MAP4K2: variants seen among roughly 807,000 people sequenced by gnomAD.
MAP4K2 encodes mitogen-activated protein kinase kinase kinase kinase 2.
Under a neutral mutation model 125.3 loss-of-function variants are expected in MAP4K2, and 85 were observed. The observed-to-expected ratio is 0.68, with a 90% CI of 0.57 to 0.81. The LOEUF is 0.81. MAP4K2 is among the 40% of genes least tolerant of loss of function. MAP4K2 has a pLI of 0.00. For missense variants in MAP4K2, 923 were observed against 1,056.4 expected (o/e 0.87, Z 1.75); for synonymous variants, 479 against 445.1 (o/e 1.08, Z -0.96).
rs375745391 is a variant in MAP4K2 at position 64,797,650 on chromosome 11, G to A, written c.1112C>T (p.Ser371Leu). The A allele has an allele frequency of 2.2e-5, 35 of 1,574,046 alleles. No homozygotes were observed. Among genetic ancestry groups the A allele is most frequent in the Non-Finnish European group, 2.7e-5 (31 of 1,159,266 alleles). ...KEELSGSLLQ[S>L]VQEALEERSL... Reference sequence around the variant, plus strand: ...CCTTTCCTCCAGGGCCTCCTGGACCGACTGCAGCAGGCTCCTGGGCAGTGG... The same window carrying A: ...CCTTTCCTCCAGGGCCTCCTGGACCAACTGCAGCAGGCTCCTGGGCAGTGG... Residue 371 changes from serine to leucine, a missense_variant, in exon 16 of 32, where the codon TCG (serine) becomes TTG (leucine). Around this residue, in one of 2 missense-constraint regions of MAP4K2, gnomAD observed 833 missense variants for 911.4 expected, o/e 0.91. Transcript: ENST00000294066.
In MAP4K2 at chr11:64,788,085, GAGTC is replaced by G. The variant is rs1940273149; in HGVS notation, c.*1448_*1451del. 6.6e-6 allele frequency: 1 copy of G among 152,278 alleles called. No homozygotes were observed. Among genetic ancestry groups the G allele is most frequent in the African/African-American group, 2.4e-5 (1 of 41,448 alleles). 9.4% of individuals were successfully genotyped at this position (152,278 alleles called of 1,614,324 possible). A position where few individuals can be genotyped will look rare whatever the true frequency, so the allele number is the denominator to read the frequency against. On this transcript the variant is annotated 3_prime_UTR_variant, in exon 32 of 32. Transcript: ENST00000294066. Reference sequence around the variant, plus strand: ...AAGAAACCCTCCCAGTCACTGGACAGAGTCAGAACAGTTGAAACTCTGCTGGAGG... The same window carrying G: ...AAGAAACCCTCCCAGTCACTGGACAGAGAACAGTTGAAACTCTGCTGGAGG...
At chr11:64,791,524 G>A (rs957325631) in intron 27 of MAP4K2, among the ~76,000 whole-genome samples, 1 of 152,092 alleles carries the variant, frequency 6.6e-6, no homozygotes, top group Admixed American at 6.6e-5. Context: ...GACTACACAC[G>A]TGCATCAACA....
Position 64,798,328 on chromosome 11 carries a change from C to A in MAP4K2, c.1097+466G>T, listed in dbSNP as rs1205322433. On this transcript the variant is annotated intron_variant, in intron 15 of 31. Coordinates refer to ENST00000294066, the MANE Select transcript of MAP4K2 (RefSeq NM_004579.5). ...TTACAGGCGCCTGCCACCACACCGG[C>A]TAATTTTTTCTATTTTTACTAGAGA... 2.0e-5 allele frequency among the ~76,000 whole-genome samples: 3 copies of A among 152,060 alleles called. No individual in the cohort carries two copies. The East Asian group carries it at 5.8e-4, about 29-fold the overall frequency.
Position 64,802,093 on chromosome 11 carries a change from A to C in MAP4K2, c.339T>G (p.Ile113Met). The part of the protein sequence containing the change: ...HATGPLEERQ[I>M]AYVCREALKG... Reference sequence around the variant, plus strand: ...TCAGTGCCTCTCGGCAGACGTAGGCAATCTGCCGCTCCTCCAGGGGCCCAG... The same window carrying C: ...TCAGTGCCTCTCGGCAGACGTAGGCCATCTGCCGCTCCTCCAGGGGCCCAG... Residue 113 changes from isoleucine (I) to methionine (M), a missense_variant, in exon 5 of 32, where the codon ATT becomes ATG. Coordinates refer to ENST00000294066, the MANE Select transcript of MAP4K2 (RefSeq NM_004579.5). 6.2e-7 allele frequency: 1 copy of C among 1,612,942 alleles called. No individual in the cohort carries two copies.
intron 22 of MAP4K2, 24 bp from the exon 23 acceptor site, chr11:64,796,577 G>A: frequency 6.2e-7 from 1 of 1,613,880 alleles, no homozygotes; most frequent in Non-Finnish European, 8.5e-7. Context: ...AGGGACAGAT[G>A]GTCAGCACCC....
At position 64,789,421 on chromosome 11, in the gene MAP4K2, G is replaced by T. The variant is rs1336201402; in HGVS notation, c.*116C>A. On this transcript the variant is annotated 3_prime_UTR_variant, in exon 32 of 32. Transcript: ENST00000294066. Reference sequence around the variant, plus strand: ...TTCTCAGGATTACTTCTGACCTTCAGCCCCAGCAGGGCCAGGGCCTGGGCT... The same window carrying T: ...TTCTCAGGATTACTTCTGACCTTCATCCCCAGCAGGGCCAGGGCCTGGGCT... 2 of 899,898 alleles carry T rather than the reference G, an allele frequency of 2.2e-6. No homozygotes were observed. Among genetic ancestry groups the T allele is most frequent in the East Asian group, 5.3e-5 (2 of 37,846 alleles). 55.7% of individuals were successfully genotyped at this position (899,898 alleles called of 1,614,324 possible). A position where few individuals can be genotyped will look rare whatever the true frequency, so the allele number is the denominator to read the frequency against.
At position 64,787,731 on chromosome 11, in the gene MAP4K2, T is replaced by A. The variant is rs1248290052; in HGVS notation, c.*1806A>T. On this transcript the variant is annotated 3_prime_UTR_variant, in exon 32 of 32. Coordinates refer to ENST00000294066, the MANE Select transcript of MAP4K2 (RefSeq NM_004579.5). ...CCAAACCCCGTTTCCAGACTGAATC[T>A]GAGGTCCGGGAAGATCCGCCACAAG... is the stretch of plus-strand genomic sequence containing the variant. 2 of 152,216 alleles carry A rather than the reference T, an allele frequency of 1.3e-5. No individual in the cohort carries two copies. Among genetic ancestry groups the A allele is most frequent in the Non-Finnish European group, 2.9e-5 (2 of 68,036 alleles). 9.4% of individuals were successfully genotyped at this position (152,216 alleles called of 1,614,324 possible).
At chr11:64,799,347 A>C (rs1475231064) in intron 14 of MAP4K2, 74 bp downstream of exon 14, 1 of 1,560,128 alleles carries the variant, frequency 6.4e-7, no homozygotes, top group Admixed American at 1.9e-5. Context: ...CCTTGATTTG[A>C]GCTGCTCGGC....
At chr11:64,802,848 C>G in intron 2 of MAP4K2, 37 bp downstream of exon 2, 1 of 1,586,540 alleles carries the variant, frequency 6.3e-7, no homozygotes. Context: ...GGCGCTCTGC[C>G]CTTCCTCTGG....
At position 64,796,843 on chromosome 11, in the gene MAP4K2, G is replaced by A. The variant is rs139891267; in HGVS notation, c.1458C>T (p.His486=). ...KVFNGCPLRI[H]AAVTWIHPVT... ...CAGGGTGAATCCAGGTGACAGCAGC[G>A]TGGATCCGCAGGGGGCAGCCATTGA... Residue 486 remains histidine, a synonymous_variant, in exon 21 of 32, where the codon CAC becomes CAT. Transcript: ENST00000294066. 863 of 1,613,794 alleles carry A rather than the reference G, an allele frequency of 5.3e-4. 5 individuals are homozygous for A. The African/African-American group carries it at 9.7e-3, about 18-fold the overall frequency.
intron 10 of MAP4K2, 130 bp from the exon 11 acceptor site, chr11:64,800,522 G>T: frequency 8.6e-7 from 1 of 1,158,652 alleles, no homozygotes; most frequent in East Asian, 2.5e-5. Context: ...CCGAGGCCAA[G>T]GGCCACTGGC....
At position 64,802,918 on chromosome 11, in the gene MAP4K2, G is replaced by T. The variant is rs773671379; in HGVS notation, c.121C>A (p.Leu41Met). 1.3e-6 allele frequency: 2 copies of T among 1,596,048 alleles called. No individual in the cohort carries two copies. Among genetic ancestry groups the T allele is most frequent in the Non-Finnish European group, 1.7e-6 (2 of 1,172,034 alleles). ...AGCTTGACTATCTTCACGGCGGCCAGTTCGGACGTGACCGTGTCGCGGGCC... is the reference window on the plus strand; with the variant it reads ...AGCTTGACTATCTTCACGGCGGCCATTTCGGACGTGACCGTGTCGCGGGCC... ...YKARDTVTSE[L>M]AAVKIVKLDP... Residue 41 changes from leucine (L) to methionine (M), a missense_variant, in exon 2 of 32, where the codon CTG becomes ATG. Transcript: ENST00000294066.
In MAP4K2 at chr11:64,796,997, T is replaced by C. The variant is rs1170847063; in HGVS notation, c.1392A>G (p.Pro464=). 6.2e-7 allele frequency: 1 copy of C among 1,613,762 alleles called. No homozygotes were observed. Among genetic ancestry groups the C allele is most frequent in the Admixed American group, 1.7e-5 (1 of 60,000 alleles). The change falls in exon 20 of 32, where the codon CCA becomes CCG. Residue 464 remains proline, a synonymous_variant. Coordinates refer to ENST00000294066, the MANE Select transcript of MAP4K2 (RefSeq NM_004579.5). ...AAACACTTACATGCACCTTGGGAGT[T>C]GGGGGGAGCCCGTGGCAGGATGACC... ...PERSSCHGLP[P]TPKVHMGACF... is the part of the protein sequence containing the mutation.
chr11:64,802,311 G>C, intron 4 of MAP4K2, 108 bp downstream of exon 4: 1 of 1,214,702 alleles, frequency 8.2e-7, no homozygotes, highest in Non-Finnish European at 1.2e-6. Flanking sequence ...CAGCCAGGCA[G>C]GAGTGGAGAG....
chr11:64,793,086 C>T (rs915444767), intron 24 of MAP4K2, among the ~76,000 whole-genome samples: 2 of 152,040 alleles, frequency 1.3e-5, no homozygotes, highest in African/African-American at 2.4e-5. Flanking sequence ...CGTGGTGGCG[C>T]GTGCCTGTAA....
chr11:64,790,303 G>C lies in MAP4K2; in HGVS notation c.2162-29C>G, dbSNP rs1940400983. On this transcript the variant is annotated intron_variant, in intron 28 of 31. Coordinates refer to ENST00000294066, the MANE Select transcript of MAP4K2 (RefSeq NM_004579.5). ...CACAGGGAAGGAATTGGTGAGTGGG[G>C]ACGGGGAGGCTCCCTTCTGGGAAGG... The C allele has an allele frequency of 4.3e-6, 7 of 1,613,526 alleles. No homozygotes were observed. In the East Asian group the frequency reaches 1.6e-4, roughly 36 times the overall value.
intron 14 of MAP4K2, among the ~76,000 whole-genome samples, 156 bp from the exon 15 acceptor site, chr11:64,798,993 G>A (rs551207177): frequency 6.6e-6 from 1 of 152,324 alleles, no homozygotes; most frequent in East Asian, 1.9e-4. Context: ...ACAGTGGGAG[G>A]CAGAGCTGAA....
Position 64,792,068 on chromosome 11 carries a change from G to A in MAP4K2, c.1933C>T (p.Pro645Ser), listed in dbSNP as rs922935547. The part of the protein sequence containing the change: ...LLLKNFSSPL[P>S]SPAGMLEPLV... ...GGCTCCAGCATCCCAGCTGGGCTGG[G>A]CAGAGGGCTGGAGAAGTTCTAGGGG... The change falls in exon 27 of 32, where the codon CCC becomes TCC. Residue 645 changes from proline to serine, a missense_variant. This residue lies in a region of MAP4K2 where 833 missense variants were observed against 911.4 expected (regional missense o/e 0.91). Coordinates refer to ENST00000294066, the MANE Select transcript of MAP4K2 (RefSeq NM_004579.5). The A allele has an allele frequency of 6.3e-7, 1 of 1,588,908 alleles. No homozygotes were observed. Among genetic ancestry groups the A allele is most frequent in the Non-Finnish European group, 8.6e-7 (1 of 1,167,940 alleles).
rs141873890 is a variant in MAP4K2, at chr11:64,798,528, G to A, written c.1097+266C>T. Among the ~76,000 whole-genome samples, 850 of 151,960 alleles carry A rather than the reference G, an allele frequency of 5.6e-3. 5 individuals are homozygous for A. Among genetic ancestry groups the A allele is most frequent in the Middle Eastern group, 0.014 (4 of 288 alleles). On this transcript the variant is annotated intron_variant, in intron 15 of 31. Transcript: ENST00000294066. ...TTGGCAAAGCTGGTTTCGAACTCCT[G>A]ACCTCAGGTGATCCACCCACCTTAG...
Sources: allele counts gnomAD v4.1 joint callset (sites outside exome capture counted in the v4.1 genomes callset), GRCh38; gene constraint gnomAD v4.1.1; regional missense constraint gnomAD v4.1.1; transcripts MANE v1.5; gene names NCBI Gene and HGNC (gene_info 2026-07-23, HGNC 2026-07-21).